ICA1L: variants seen among roughly 807,000 people sequenced by gnomAD.
The protein encoded by ICA1L is islet cell autoantigen 1-like protein.
Under a neutral mutation model 61.3 loss-of-function variants are expected in ICA1L, and 50 were observed. That is an observed-to-expected ratio of 0.82 (90% CI 0.65 to 1.03). ICA1L has a LOEUF of 1.03. ICA1L is among the 50% of genes least tolerant of loss of function. The pLI is 0.00. For missense variants in ICA1L, 508 were observed against 556.7 expected (o/e 0.91, Z 0.88); for synonymous variants, 161 against 191.3 (o/e 0.84, Z 1.31).
intron 1 of ICA1L, among the ~76,000 whole-genome samples, chr2:202,850,864 A>T (rs1245984559): frequency 6.6e-6 from 1 of 152,164 alleles, no homozygotes; most frequent in Non-Finnish European, 1.5e-5. Flanking sequence ...GAAACGAAGG[A>T]AAAAATGTTA....
intron 1 of ICA1L, among the ~76,000 whole-genome samples, chr2:202,860,800 A>T (rs1694889608): frequency 6.6e-6 from 1 of 152,204 alleles, no homozygotes; most frequent in Non-Finnish European, 1.5e-5. Flanking sequence ...ATACACGGAG[A>T]AGTTAAAAGG....
chr2:202,852,800 T>C (rs535675018), intron 1 of ICA1L, among the ~76,000 whole-genome samples: 1 of 150,980 alleles, frequency 6.6e-6, no homozygotes, highest in Non-Finnish European at 1.5e-5. Context: ...TGGTTTTCAT[T>C]TGCATTTCTC....
chr2:202,783,188 TAATA>T (rs1692466549), intron 12 of ICA1L, among the ~76,000 whole-genome samples: 1 of 152,176 alleles, frequency 6.6e-6, no homozygotes, highest in African/African-American at 2.4e-5. Flanking sequence ...ACAACTACAG[TAATA>T]AATATTTCAT....
rs1559132515 is a variant in ICA1L at position 202,802,905 on chromosome 2, C to T, written c.911-5941G>A. 2.6e-5 allele frequency among the ~76,000 whole-genome samples: 4 copies of T among 151,540 alleles called. No homozygotes were observed. The South Asian group carries it at 8.3e-4, about 32-fold the overall frequency. On this transcript the variant is annotated intron_variant, in intron 9 of 12. Coordinates refer to ENST00000358299, the MANE Select transcript of ICA1L (RefSeq NM_001288622.3). ...ACTTTTAAAACAAATGAAAAAAAAC[C>T]TCAAATAGTTCAAAATGAACCAAAA...
intron 9 of ICA1L, among the ~76,000 whole-genome samples, chr2:202,807,067 C>T (rs1324927270): frequency 6.6e-6 from 1 of 152,186 alleles, no homozygotes; most frequent in Admixed American, 6.5e-5. Flanking sequence ...TAATAGAACT[C>T]TCCAGCCATC....
At chr2:202,808,313 GGTGA>G (rs1693281419) in intron 9 of ICA1L, among the ~76,000 whole-genome samples, 1 of 152,072 alleles carries the variant, frequency 6.6e-6, no homozygotes, top group African/African-American at 2.4e-5. Context: ...TTGGGCCTTG[GGTGA>G]GTATCAGCGA....
Position 202,849,801 on chromosome 2 carries a change from G to C in ICA1L, c.-7-20785C>G, listed in dbSNP as rs1055193183. Reference sequence around the variant, plus strand: ...CAGCACAGCAATTGAGCTCTGCTAGGGGACAGACAGCCTCCTCAAGTGGGT... The same window carrying C: ...CAGCACAGCAATTGAGCTCTGCTAGCGGACAGACAGCCTCCTCAAGTGGGT... On this transcript the variant is annotated intron_variant, in intron 1 of 12. Transcript: ENST00000358299. This position sits in a 1 kb window ranked among gnomAD's most constrained non-coding sequence, Gnocchi z 4.5. 6.6e-6 allele frequency among the ~76,000 whole-genome samples: 1 copy of C among 152,174 alleles called. No homozygotes were observed. Among genetic ancestry groups the C allele is most frequent in the Non-Finnish European group, 1.5e-5 (1 of 68,026 alleles).
At chr2:202,863,302 GA>G (rs1012555827) in intron 1 of ICA1L, among the ~76,000 whole-genome samples, 3 of 151,298 alleles carry the variant, frequency 2.0e-5, no homozygotes, top group Admixed American at 6.6e-5. Flanking sequence ...AATAAAAAAA[GA>G]AAAAAAGGTA....
intron 1 of ICA1L, chr2:202,844,689 TAG>T (rs1239341487): frequency 6.6e-6 from 1 of 152,132 alleles, no homozygotes; most frequent in Non-Finnish European, 1.5e-5. Flanking sequence ...AATGAGAGGG[TAG>T]AGAGAGACTA....
chr2:202,855,929 C>G (rs1694755339), intron 1 of ICA1L, among the ~76,000 whole-genome samples: 1 of 151,984 alleles, frequency 6.6e-6, no homozygotes, highest in Non-Finnish European at 1.5e-5. Context: ...CAAAAATTAG[C>G]TGGGTGTGGT....
chr2:202,861,459 A>AAAT (rs1694910094), intron 1 of ICA1L, among the ~76,000 whole-genome samples: 1 of 150,702 alleles, frequency 6.6e-6, no homozygotes. Context: ...GGATGTTACT[A>AAAT]AATAACAAAG....
chr2:202,853,977 G>A (rs934166522), intron 1 of ICA1L, among the ~76,000 whole-genome samples: 2 of 152,100 alleles, frequency 1.3e-5, no homozygotes, highest in African/African-American at 4.8e-5. Context: ...CGAAGAAACT[G>A]CATCAACTAA....
chr2:202,826,717 G>A (rs1225471095), intron 2 of ICA1L, among the ~76,000 whole-genome samples: 1 of 151,640 alleles, frequency 6.6e-6, no homozygotes, highest in Non-Finnish European at 1.5e-5. Flanking sequence ...TGATCCACCT[G>A]CCTCAGCCTC....
At chr2:202,809,232 G>C (rs1693307669) in intron 9 of ICA1L, among the ~76,000 whole-genome samples, 1 of 151,886 alleles carries the variant, frequency 6.6e-6, no homozygotes, top group African/African-American at 2.4e-5. Flanking sequence ...AAATTCCAGA[G>C]TTGAAAAATT....
Position 202,779,512 on chromosome 2 carries a change from G to T in ICA1L, c.*21C>A, listed in dbSNP as rs1287254308. On this transcript the variant is annotated 3_prime_UTR_variant, in exon 13 of 13. Coordinates refer to ENST00000358299, the MANE Select transcript of ICA1L (RefSeq NM_001288622.3). ...GCAAAATTGATGTCTCAAGGCCACT[G>T]AAGTGACATTATAACTTCAGTCAAG... 5.6e-6 allele frequency: 8 copies of T among 1,435,366 alleles called. No individual in the cohort carries two copies. Among genetic ancestry groups the T allele is most frequent in the Non-Finnish European group, 7.8e-6 (8 of 1,023,466 alleles). 88.9% of individuals were successfully genotyped at this position (1,435,366 alleles called of 1,614,324 possible). A position where few individuals can be genotyped will look rare whatever the true frequency, so the allele number is the denominator to read the frequency against.
rs191872363 is a variant in ICA1L, at chr2:202,811,763, C to A, written c.893G>T (p.Ser298Ile). Residue 298 changes from serine to isoleucine, a missense_variant, in exon 9 of 13, where the codon AGC becomes ATC. Transcript: ENST00000358299. ...CATCTTACCTTGTTCACTCTCAAAG[C>A]TTGCTTCCTCATCAGACAAAACTAG... The part of the protein sequence containing the change: ...NKLVLSDEEA[S>I]FESEQANKDH... The A allele has an allele frequency of 7.0e-5, 113 of 1,607,138 alleles. No homozygotes were observed. The highest frequency in any genetic ancestry group is 9.2e-5 in the Non-Finnish European group (108 of 1,175,248).
rs1252168324 is a variant in ICA1L, at chr2:202,787,268, G to A, written c.1244-1261C>T. Among the ~76,000 whole-genome samples the A allele has an allele frequency of 5.3e-5, 8 of 152,178 alleles. 1 individual carries two copies. Among genetic ancestry groups the A allele is most frequent in the Non-Finnish European group, 1.2e-4 (8 of 68,034 alleles). On this transcript the variant is annotated intron_variant, in intron 11 of 12. Transcript: ENST00000358299. ...CCTGTCTGCCTACAGGTAGGGATCAGAGCACATATTTTGAGTAGTGAAAAA... is the reference window on the plus strand; with the variant it reads ...CCTGTCTGCCTACAGGTAGGGATCAAAGCACATATTTTGAGTAGTGAAAAA...
intron 1 of ICA1L, among the ~76,000 whole-genome samples, chr2:202,870,232 A>G (rs1687657259): frequency 2.0e-5 from 3 of 152,144 alleles, no homozygotes; most frequent in Admixed American, 1.3e-4. Flanking sequence ...TAACTGGTAT[A>G]AACTTTGTTT....
At chr2:202,851,126 G>T (rs1323626628) in intron 1 of ICA1L, among the ~76,000 whole-genome samples, 1 of 151,194 alleles carries the variant, frequency 6.6e-6, no homozygotes, top group African/African-American at 2.4e-5. Context: ...TCATCATTTA[G>T]CATTAGGTAT....
Sources: allele counts gnomAD v4.1 joint callset (sites outside exome capture counted in the v4.1 genomes callset), GRCh38; gene constraint gnomAD v4.1.1; non-coding constraint Gnocchi (gnomAD v3.1); transcripts MANE v1.5; gene names NCBI Gene and HGNC (gene_info 2026-07-23, HGNC 2026-07-21).